Variants in ANKS1B observed in about 807,000 individuals in gnomAD.
The protein encoded by ANKS1B is ankyrin repeat and sterile alpha motif domain-containing protein 1B.
In ANKS1B, 36 loss-of-function variants were observed where a neutral mutation model predicts 148.3. The observed-to-expected ratio is 0.24, with a 90% CI of 0.19 to 0.32. The LOEUF (loss-of-function observed/expected upper bound fraction) is 0.32. ANKS1B is among the 10% of genes least tolerant of loss of function. The pLI, the probability that ANKS1B is intolerant of heterozygous loss-of-function variation, is 1.00. For synonymous variants in ANKS1B, 542 were observed against 560.8 expected, an observed-to-expected ratio of 0.97 and a Z score of 0.47; for missense variants, 1,157 against 1,542.6, an observed-to-expected ratio of 0.75 and a Z score of 4.19.
At chr12:98,991,559 A>T (rs987091130) in intron 17 of ANKS1B, among the ~76,000 whole-genome samples, 2 of 152,220 alleles carry the variant, frequency 1.3e-5, no homozygotes, top group African/African-American at 4.8e-5. Flanking sequence ...CGACCTGAAC[A>T]TCAATTAACA....
intron 26 of ANKS1B, among the ~76,000 whole-genome samples, chr12:98,750,594 G>T (rs149722295): frequency 6.6e-6 from 1 of 152,166 alleles, no homozygotes; most frequent in Non-Finnish European, 1.5e-5. Context: ...ATGCATTCTG[G>T]GGGAGTCCCA....
rs2095752234 is a variant in ANKS1B, at chr12:99,984,500, TC to T, written c.-264del. 2.6e-6 allele frequency: 1 copy of T among 382,922 alleles called. No homozygotes were observed. The highest frequency in any genetic ancestry group is 4.8e-6 in the Non-Finnish European group (1 of 209,780). 23.7% of individuals were successfully genotyped at this position (382,922 alleles called of 1,614,324 possible). A position where few individuals can be genotyped will look rare whatever the true frequency, so the allele number is the denominator to read the frequency against. On this transcript the variant is annotated 5_prime_UTR_variant, in exon 1 of 27. Transcript: ENST00000683438. Reference sequence around the variant, plus strand: ...AGCCGCGACGCGCCCCCACAGCCACTCCCCTGAATTCCCAAGGCCTCGTTCC... The same window carrying T: ...AGCCGCGACGCGCCCCCACAGCCACTCCCTGAATTCCCAAGGCCTCGTTCC...
chr12:99,320,343 T>C (rs1482340107), intron 12 of ANKS1B, among the ~76,000 whole-genome samples: 1 of 152,206 alleles, frequency 6.6e-6, no homozygotes, highest in Non-Finnish European at 1.5e-5. Context: ...CAGATGTAGA[T>C]TTGGTCTTTT....
At chr12:99,280,083 T>C (rs747198061) in intron 12 of ANKS1B, among the ~76,000 whole-genome samples, 16 of 152,278 alleles carry the variant, frequency 1.1e-4, no homozygotes, top group Middle Eastern at 6.8e-3. Context: ...TCATAATTGA[T>C]ATTTTATCCA....
intron 1 of ANKS1B, among the ~76,000 whole-genome samples, chr12:99,918,965 C>CA (rs2094261128): frequency 1.3e-5 from 2 of 152,142 alleles, no homozygotes; most frequent in Admixed American, 6.6e-5. Flanking sequence ...TTCAAGGTAA[C>CA]AGTTGCCAGT....
chr12:99,927,290 A>G (rs3844211), intron 1 of ANKS1B, among the ~76,000 whole-genome samples: 15 of 151,976 alleles, frequency 9.9e-5, no homozygotes, highest in Admixed American at 4.6e-4. Flanking sequence ...GGTTTGAATT[A>G]GGTTTCAGTC....
chr12:99,947,955 C>T (rs1278749537), intron 1 of ANKS1B, among the ~76,000 whole-genome samples: 2 of 152,156 alleles, frequency 1.3e-5, no homozygotes, highest in Non-Finnish European at 2.9e-5. Flanking sequence ...TTTTGAATGT[C>T]CCTGACTTCT....
At chr12:99,467,007 T>C (rs2096130366) in intron 10 of ANKS1B, among the ~76,000 whole-genome samples, 1 of 152,176 alleles carries the variant, frequency 6.6e-6, no homozygotes, top group Non-Finnish European at 1.5e-5. Context: ...TTTAGACCAA[T>C]ATCCTTGATG....
At chr12:99,259,952 A>G (rs1057307931) in intron 12 of ANKS1B, among the ~76,000 whole-genome samples, 2 of 152,214 alleles carry the variant, frequency 1.3e-5, no homozygotes, top group Admixed American at 6.5e-5. Flanking sequence ...CGTCTAGTGA[A>G]TAACTACATC....
intron 1 of ANKS1B, among the ~76,000 whole-genome samples, chr12:99,946,920 G>C (rs887032335): frequency 3.3e-5 from 5 of 152,148 alleles, no homozygotes; most frequent in African/African-American, 1.2e-4. Flanking sequence ...CAAGCCTGCA[G>C]CATAAATGAC....
rs35515489 is a variant in ANKS1B at position 99,060,653 on chromosome 12, T to TCACACACACACACA, written c.2626-7358_2626-7345dup. 1.7e-3 allele frequency among the ~76,000 whole-genome samples: 218 copies of TCACACACACACACA among 126,086 alleles called. 3 individuals are homozygous for TCACACACACACACA. Among genetic ancestry groups the TCACACACACACACA allele is most frequent in the East Asian group, 0.01 (44 of 4,272 alleles). The allele number at this position is 126,086 out of a possible 152,430, so 82.7% of individuals were successfully genotyped here. On this transcript the variant is annotated intron_variant, in intron 16 of 26. Transcript: ENST00000683438. The stretch of plus-strand genomic sequence containing the variant: ...ATACACACATATACATATATACACA[T>TCACACACACACACA]CACACACACACACACACACACACAC...
intron 17 of ANKS1B, among the ~76,000 whole-genome samples, chr12:98,981,582 C>T (rs776848407): frequency 2.2e-4 from 34 of 152,118 alleles, no homozygotes; most frequent in Admixed American, 9.8e-4. Context: ...GTGACCCACC[C>T]GCCTTGGCCT....
At chr12:99,587,194 T>A (rs1432975316) in intron 9 of ANKS1B, among the ~76,000 whole-genome samples, 4 of 152,180 alleles carry the variant, frequency 2.6e-5, no homozygotes, top group Non-Finnish European at 5.9e-5. Flanking sequence ...GCCACATACA[T>A]GAAGTATGCT....
chr12:99,746,847 G>T (rs1473226315), intron 8 of ANKS1B, among the ~76,000 whole-genome samples: 3 of 152,046 alleles, frequency 2.0e-5, no homozygotes, highest in Non-Finnish European at 4.4e-5. Context: ...TAACATGACT[G>T]CAAGAGTACT....
At chr12:99,626,544 C>T (rs1207743476) in intron 9 of ANKS1B, among the ~76,000 whole-genome samples, 1 of 152,168 alleles carries the variant, frequency 6.6e-6, no homozygotes, top group Non-Finnish European at 1.5e-5. Flanking sequence ...CTTACCTGTT[C>T]TTTCCTCTCC....
intron 12 of ANKS1B, among the ~76,000 whole-genome samples, chr12:99,359,810 G>T (rs1223907915): frequency 6.6e-6 from 1 of 152,086 alleles, no homozygotes; most frequent in Non-Finnish European, 1.5e-5. Context: ...AGTTAATTTA[G>T]TGTAAACCAC....
At chr12:98,736,202 T>C (rs1242090052) in intron 9 of ANKS1B, among the ~76,000 whole-genome samples, 1 of 152,102 alleles carries the variant, frequency 6.6e-6, no homozygotes, top group Non-Finnish European at 1.5e-5. Flanking sequence ...ACCCAGGCAG[T>C]GGGAATCAAC....
intron 9 of ANKS1B, among the ~76,000 whole-genome samples, chr12:99,546,191 G>A (rs2153145940): frequency 6.6e-6 from 1 of 152,228 alleles, no homozygotes; most frequent in East Asian, 1.9e-4. Flanking sequence ...CCTGCCTGGA[G>A]AAGTGAAATC....
At chr12:99,168,288 G>A (rs542432831) in intron 14 of ANKS1B, among the ~76,000 whole-genome samples, 10 of 152,240 alleles carry the variant, frequency 6.6e-5, no homozygotes, top group East Asian at 5.8e-4. Context: ...AGGCTGAGGC[G>A]GGTGGATCGC....
Sources: gnomAD v4.1 joint callset for allele counts (sites outside exome capture counted in the v4.1 genomes callset) on GRCh38, gnomAD v4.1.1 for gene constraint, MANE v1.5 for transcripts, NCBI Gene and HGNC (gene_info 2026-07-23, HGNC 2026-07-21) for gene names.